LRPPRC: variants seen among roughly 807,000 people sequenced by gnomAD.
LRPPRC encodes leucine-rich PPR motif-containing protein, mitochondrial.
LRPPRC carries 120 observed loss-of-function variants against 180.3 expected under a neutral mutation model. The ratio of observed to expected loss-of-function variants is 0.67; its 90% confidence interval spans 0.57 to 0.77. LRPPRC has a LOEUF of 0.77. Ranked by LOEUF, LRPPRC falls within the 30% of genes least tolerant of loss-of-function variation. LRPPRC has a pLI of 0.00. For missense variants in LRPPRC, 2,012 were observed against 1,657.2 expected (o/e 1.21, Z -3.72); for synonymous variants, 723 against 600.0 (o/e 1.21, Z -3.00).
chr2:43,977,508 A>G (rs1674112893), intron 3 of LRPPRC, among the ~76,000 whole-genome samples: 1 of 152,194 alleles, frequency 6.6e-6, no homozygotes, highest in African/African-American at 2.4e-5. Context: ...CTATTCGGAT[A>G]TTAAAAGGCC....
At chr2:43,947,501 AT>A in intron 19 of LRPPRC, 131 bp from the exon 20 acceptor site, 1 of 665,314 alleles carries the variant, frequency 1.5e-6, no homozygotes, top group South Asian at 1.8e-5. Flanking sequence ...AGGGATATTA[AT>A]TGGGGAATCC....
chr2:43,888,715 A>ACTT, intron 37 of LRPPRC, 59 bp from the exon 38 acceptor site: 1 of 936,672 alleles, frequency 1.1e-6, no homozygotes, highest in Non-Finnish European at 1.8e-6. Context: ...ATGGTACATA[A>ACTT]CTTAAAAAAT....
chr2:43,984,669 G>C (rs1272272122), intron 1 of LRPPRC, among the ~76,000 whole-genome samples: 1 of 152,130 alleles, frequency 6.6e-6, no homozygotes, highest in Non-Finnish European at 1.5e-5. Flanking sequence ...TCACAGCCTG[G>C]AGTAATGGGT....
In LRPPRC at chr2:43,917,975, A is replaced by G; in HGVS notation, c.3148+50T>C. The G allele has an allele frequency of 2.2e-6, 3 of 1,337,634 alleles. No individual in the cohort carries two copies. In the South Asian group the frequency reaches 3.6e-5, roughly 16 times the overall value. The allele number at this position is 1,337,634 out of a possible 1,614,324, so 82.9% of individuals were successfully genotyped here. On this transcript the variant is annotated intron_variant, in intron 29 of 37. Transcript: ENST00000260665. ...TGGGCTTACACCCCACACTGCTATT[A>G]GAAAGAAGACCACCCCCCCACACAC...
At chr2:43,922,951 C>G (rs182407784) in intron 27 of LRPPRC, among the ~76,000 whole-genome samples, 30 of 152,166 alleles carry the variant, frequency 2.0e-4, no homozygotes, top group African/African-American at 7.2e-4. Flanking sequence ...ATATATACTT[C>G]TCTATAGGAT....
chr2:43,927,102 TGC>T (rs1671907358), intron 25 of LRPPRC, among the ~76,000 whole-genome samples: 4 of 152,206 alleles, frequency 2.6e-5, no homozygotes, highest in African/African-American at 9.7e-5. Context: ...TTTCATCATC[TGC>T]AAGAGGGCTT....
chr2:43,923,610 G>C (rs1160185124), intron 27 of LRPPRC, among the ~76,000 whole-genome samples: 1 of 152,034 alleles, frequency 6.6e-6, no homozygotes, highest in South Asian at 2.1e-4. Context: ...GCAGTGTTAA[G>C]ACTTGGTGAT....
At position 43,974,218 on chromosome 2, in the gene LRPPRC, C is replaced by T. The variant is rs565991343; in HGVS notation, c.1087G>A (p.Val363Ile). ...VALQILLACP[V>I]SKEDGPSVFG... ...ACACTTGGGCCATCTTCCTTTGATA[C>T]GGGGCATGCTAGTAAAATTTGCAAC... Residue 363 changes from valine to isoleucine, a missense_variant, in exon 9 of 38, where the codon GTA becomes ATA. Coordinates refer to ENST00000260665, the MANE Select transcript of LRPPRC (RefSeq NM_133259.4). 48 of 1,610,664 alleles carry T rather than the reference C, an allele frequency of 3.0e-5. No homozygotes were observed. The highest frequency in any genetic ancestry group is 6.6e-5 in the South Asian group (6 of 91,006).
chr2:43,979,895 A>G lies in LRPPRC; in HGVS notation c.400T>C (p.Leu134=). The part of the protein sequence containing the change: ...LLLLRSCGSL[L]PELKLEERTE... ...CTCTCTTCAAGCTTTAGTTCAGGCA[A>G]GAGAGAACCACAACTACGTAGTAGA... The change falls in exon 3 of 38, where the codon TTG becomes CTG. Residue 134 remains leucine, a synonymous_variant. Coordinates refer to ENST00000260665, the MANE Select transcript of LRPPRC (RefSeq NM_133259.4). The G allele has an allele frequency of 6.2e-7, 1 of 1,613,794 alleles. No individual in the cohort carries two copies. The highest frequency in any genetic ancestry group is 8.5e-7 in the Non-Finnish European group (1 of 1,179,736).
chr2:43,926,830 C>G (rs140951960), intron 25 of LRPPRC, among the ~76,000 whole-genome samples: 7 of 152,288 alleles, frequency 4.6e-5, no homozygotes, highest in African/African-American at 1.7e-4. Context: ...TTGCGAACTT[C>G]ACAGTGATAA....
rs976425460 is a variant in LRPPRC, at chr2:43,934,613, T to C, written c.2629+141A>G. 4 of 680,390 alleles carry C rather than the reference T, an allele frequency of 5.9e-6. No individual in the cohort carries two copies. The African/African-American group carries it at 7.3e-5, about 12-fold the overall frequency. The allele number at this position is 680,390 out of a possible 1,614,324, so 42.1% of individuals were successfully genotyped here. On this transcript the variant is annotated intron_variant, in intron 24 of 37. Transcript: ENST00000260665. ...TATAATATTGGAAATCTACCTGATA[T>C]TTTTCTTTTAGATTTCACAAGTATA...
At chr2:43,910,619 G>T (rs1671223449) in intron 30 of LRPPRC, among the ~76,000 whole-genome samples, 1 of 152,096 alleles carries the variant, frequency 6.6e-6, no homozygotes, top group African/African-American at 2.4e-5. Context: ...GATACATCAA[G>T]TACAATTTGT....
intron 12 of LRPPRC, 117 bp from the exon 13 acceptor site, chr2:43,960,751 T>C (rs545122662): frequency 2.2e-5 from 16 of 728,564 alleles, no homozygotes; most frequent in Non-Finnish European, 3.5e-5. Flanking sequence ...TCTAGAAAAA[T>C]AGATAAGCTC....
chr2:43,996,152 G>T (rs1572599902), upstream of LRPPRC: 1 of 541,680 alleles, frequency 1.8e-6, no homozygotes, highest in Non-Finnish European at 3.2e-6. Context: ...AAACGATGTT[G>T]CTTGATTCAT....
chr2:43,972,964 AG>A (rs1402576490), intron 11 of LRPPRC, among the ~76,000 whole-genome samples: 9 of 152,224 alleles, frequency 5.9e-5, no homozygotes, highest in African/African-American at 2.2e-4. Context: ...TGCAAACCGA[AG>A]AATTAGATAC....
At chr2:43,907,739 T>A (rs931389971) in intron 30 of LRPPRC, among the ~76,000 whole-genome samples, 1 of 152,070 alleles carries the variant, frequency 6.6e-6, no homozygotes, top group African/African-American at 2.4e-5. Context: ...GGAAAAAGAG[T>A]ACCCTCTTTC....
intron 20 of LRPPRC, among the ~76,000 whole-genome samples, chr2:43,946,877 G>A (rs62135064): frequency 0.087 from 13,166 of 152,072 alleles, 634 homozygotes; most frequent in South Asian, 0.13. Context: ...TTTTCCAGCA[G>A]GAAAATGGAA....
In LRPPRC at chr2:43,947,338, G is replaced by A. The variant is rs1421341249; in HGVS notation, c.1998C>T (p.Ser666=). 2 of 1,601,304 alleles carry A rather than the reference G, an allele frequency of 1.2e-6. No homozygotes were observed. The highest frequency in any genetic ancestry group is 1.7e-5 in the Admixed American group (1 of 59,892). The stretch of plus-strand genomic sequence containing the variant: ...TTTCAGCTTTTAGTGTTTCAAGTGT[G>A]GACTCCAATTCAGATGATGTAAGTT... ...TVQLTSSELE[S]TLETLKAENQ... Residue 666 remains serine (S), a synonymous_variant, in exon 20 of 38, where the codon TCC becomes TCT. Transcript: ENST00000260665.
rs1381896845 is a variant in LRPPRC, at chr2:43,977,057, C to A, written c.592-5G>T. 3 of 1,612,760 alleles carry A rather than the reference C, an allele frequency of 1.9e-6. No homozygotes were observed. The highest frequency in any genetic ancestry group is 2.2e-5 in the East Asian group (1 of 44,764). ...AATCAATCTCTGGTATGTCACCTGT[C>A]AATGAAATGGGCCAGTTAATTTTAA... On this transcript the variant is annotated splice_polypyrimidine_tract_variant and splice_region_variant and intron_variant, in intron 4 of 37. Transcript: ENST00000260665.
Sources: gnomAD v4.1 joint callset for allele counts (sites outside exome capture counted in the v4.1 genomes callset) on GRCh38, gnomAD v4.1.1 for gene constraint, MANE v1.5 for transcripts, NCBI Gene and HGNC (gene_info 2026-07-23, HGNC 2026-07-21) for gene names.